SLC38A12: variants seen among roughly 807,000 people sequenced by gnomAD.
SLC38A12 encodes putative sodium-coupled neutral amino acid transporter 12.
the SLC38A12 span, among the ~76,000 whole-genome samples, chr17:74,834,348 G>A: frequency 6.6e-6 from 1 of 152,092 alleles, no homozygotes; most frequent in African/African-American, 2.4e-5. Context: ...AGGAGTGGCG[G>A]GGACTGGAGC....
chr17:74,802,243 A>G, the SLC38A12 span, among the ~76,000 whole-genome samples: 1 of 152,120 alleles, frequency 6.6e-6, no homozygotes, highest in Non-Finnish European at 1.5e-5. Context: ...TATGCCCACC[A>G]TCCATCATGC....
chr17:74,819,667 C>T, the SLC38A12 span: 1 of 1,377,256 alleles, frequency 7.3e-7, no homozygotes, highest in South Asian at 1.2e-5. Flanking sequence ...TGGGCGGAGG[C>T]CACGTGAGCA....
At chr17:74,836,211 A>C in the SLC38A12 span, 1 of 1,611,194 alleles carries the variant, frequency 6.2e-7, no homozygotes, top group Non-Finnish European at 8.5e-7. The surrounding 1 kb of genome is among the most constrained non-coding windows in gnomAD (Gnocchi z 4.2). Flanking sequence ...GGACATGTAC[A>C]CCCTCAACTT....
At chr17:74,836,955 G>A in the SLC38A12 span, 293 of 1,275,762 alleles carry the variant, frequency 2.3e-4, no homozygotes, top group Non-Finnish European at 2.7e-4. This position sits in a 1 kb window ranked among gnomAD's most constrained non-coding sequence, Gnocchi z 4.2. Flanking sequence ...CTCATTACTG[G>A]AATCACACCT....
At chr17:74,836,427 G>A in the SLC38A12 span, 2 of 1,609,514 alleles carry the variant, frequency 1.2e-6, no homozygotes, top group Admixed American at 1.7e-5. The surrounding 1 kb of genome is among the most constrained non-coding windows in gnomAD (Gnocchi z 4.2). Context: ...GCCTGTGCTG[G>A]TGGCCTTCTG....
At chr17:74,795,586 G>A in the SLC38A12 span, 1,009 of 1,614,052 alleles carry the variant, frequency 6.3e-4, 3 homozygotes, top group African/African-American at 7.9e-3. Context: ...GACACTGACC[G>A]GTGCTGGGGG....
the SLC38A12 span, among the ~76,000 whole-genome samples, chr17:74,798,790 T>A: frequency 1.3e-5 from 2 of 148,242 alleles, no homozygotes; most frequent in Non-Finnish European, 3.0e-5. Context: ...TGGGAATGTG[T>A]GAGATGCTCC....
the SLC38A12 span, among the ~76,000 whole-genome samples, chr17:74,787,515 G>A: frequency 6.6e-6 from 1 of 151,646 alleles, no homozygotes; most frequent in Non-Finnish European, 1.5e-5. Context: ...CCAGCTACTC[G>A]GGAGGCTGAG....
At chr17:74,777,288 C>T in the SLC38A12 span, 1 of 1,613,268 alleles carries the variant, frequency 6.2e-7, no homozygotes, top group Non-Finnish European at 8.5e-7. Flanking sequence ...GCCGTCCTTG[C>T]ACCTAAGGAA....
At chr17:74,819,842 C>T in the SLC38A12 span, 6,921 of 1,613,596 alleles carry the variant, frequency 4.3e-3, 174 homozygotes, top group Admixed American at 0.05. Flanking sequence ...TGAGATGGAT[C>T]GGTGAGTCTG....
At chr17:74,813,546 A>G in the SLC38A12 span, among the ~76,000 whole-genome samples, 2 of 151,724 alleles carry the variant, frequency 1.3e-5, no homozygotes, top group South Asian at 4.2e-4. Context: ...CTGGAATGCA[A>G]TGGCGCAATC....
chr17:74,804,147 T>A, the SLC38A12 span, among the ~76,000 whole-genome samples: 1 of 152,284 alleles, frequency 6.6e-6, no homozygotes. Context: ...GAGGCTGTGC[T>A]ATTCCCTGAA....
At chr17:74,795,674 T>G in the SLC38A12 span, 1 of 1,515,620 alleles carries the variant, frequency 6.6e-7, no homozygotes, top group Non-Finnish European at 9.2e-7. Flanking sequence ...CAGCCCAGCC[T>G]GCACAGCTGA....
chr17:74,839,014 G>A, the SLC38A12 span: 1 of 1,535,734 alleles, frequency 6.5e-7, no homozygotes, highest in South Asian at 1.2e-5. Flanking sequence ...CCACCTGCAT[G>A]GCCCCAGATG....
the SLC38A12 span, among the ~76,000 whole-genome samples, chr17:74,811,062 G>T: frequency 6.6e-6 from 1 of 152,264 alleles, no homozygotes; most frequent in African/African-American, 2.4e-5. Flanking sequence ...GGGCACCGTG[G>T]CTTACGCCTG....
chr17:74,825,848 C>T, the SLC38A12 span, among the ~76,000 whole-genome samples: 5 of 152,142 alleles, frequency 3.3e-5, no homozygotes, highest in African/African-American at 4.8e-5. Flanking sequence ...CAAGTCAGGC[C>T]GTCATATACA....
the SLC38A12 span, chr17:74,785,457 T>C: frequency 6.2e-6 from 10 of 1,603,552 alleles, no homozygotes; most frequent in Non-Finnish European, 8.5e-6. Context: ...GTTCCGGGCT[T>C]GAATGTTGCC....
chr17:74,830,232 C>A, the SLC38A12 span, among the ~76,000 whole-genome samples: 2 of 152,218 alleles, frequency 1.3e-5, no homozygotes, highest in Admixed American at 1.3e-4. Context: ...TCCAATAAGG[C>A]CCCCTTCTTT....
the SLC38A12 span, among the ~76,000 whole-genome samples, chr17:74,798,433 A>G: frequency 6.6e-6 from 1 of 152,214 alleles, no homozygotes; most frequent in Admixed American, 6.5e-5. Flanking sequence ...GTGGCCTCCC[A>G]AAGCCCTTGA....
Sources: gnomAD v4.1 joint callset for allele counts (sites outside exome capture counted in the v4.1 genomes callset) on GRCh38, gnomAD v4.1.1 for gene constraint, Gnocchi (gnomAD v3.1) non-coding constraint, MANE v1.5 for transcripts, NCBI Gene and HGNC (gene_info 2026-07-23, HGNC 2026-07-21) for gene names.